The following EFR3A variants were observed in gnomAD, a reference collection of about 807,000 sequenced individuals.
EFR3A encodes the protein protein EFR3 homolog A.
A neutral mutation model predicts 104.4 loss-of-function variants in EFR3A; 76 were observed. That is an observed-to-expected ratio of 0.73 (90% CI 0.60 to 0.88). The LOEUF (loss-of-function observed/expected upper bound fraction) is 0.88, where lower values mean the gene tolerates loss of function less well. EFR3A is among the 40% of genes least tolerant of loss of function. The pLI is 0.00. For missense variants in EFR3A, 985 were observed against 1,012.5 expected (o/e 0.97, Z 0.37); for synonymous variants, 330 against 330.0 (o/e 1.00, Z 0.00).
chr8:131,953,989 T>A, intron 6 of EFR3A, 22 bp downstream of exon 6: 1 of 1,510,092 alleles, frequency 6.6e-7, no homozygotes, highest in Middle Eastern at 1.7e-4. Flanking sequence ...AATATTAGTG[T>A]TGAGACAGTG....
chr8:131,960,526 G>T (rs1339341238), intron 8 of EFR3A, among the ~76,000 whole-genome samples: 1 of 152,066 alleles, frequency 6.6e-6, no homozygotes, highest in African/African-American at 2.4e-5. Context: ...TTCTGGAAAT[G>T]GTAGTATATA....
intron 1 of EFR3A, among the ~76,000 whole-genome samples, chr8:131,907,833 C>T (rs2130364922): frequency 6.6e-6 from 1 of 151,854 alleles, no homozygotes; most frequent in African/African-American, 2.4e-5. Context: ...CCTCCCCTCC[C>T]ATCTCCCTCC....
At chr8:131,936,986 G>T (rs1262692104) in intron 1 of EFR3A, among the ~76,000 whole-genome samples, 2 of 152,034 alleles carry the variant, frequency 1.3e-5, no homozygotes, top group African/African-American at 4.8e-5. Context: ...TTAGAGGTTA[G>T]GGGTTGTGGC....
chr8:132,011,520 T>C lies in EFR3A; in HGVS notation c.*625T>C. ...ATATAACCCTAAAAACGCCATACTT[T>C]AAATTGTCTGGTTCTTGTAATATTG... On this transcript the variant is annotated 3_prime_UTR_variant, in exon 23 of 23. Coordinates refer to ENST00000254624, the MANE Select transcript of EFR3A (RefSeq NM_015137.6). The C allele has an allele frequency of 5.4e-6, 4 of 744,540 alleles. No individual in the cohort carries two copies. The highest frequency in any genetic ancestry group is 6.6e-6 in the Non-Finnish European group (4 of 609,740). 46.1% of individuals were successfully genotyped at this position (744,540 alleles called of 1,614,324 possible).
In EFR3A at chr8:131,964,937, G is replaced by A. The variant is rs569983073; in HGVS notation, c.856-3358G>A. Among the ~76,000 whole-genome samples the A allele has an allele frequency of 1.5e-3, 226 of 152,034 alleles. 1 individual carries two copies. The highest frequency in any genetic ancestry group is 5.3e-3 in the African/African-American group (219 of 41,394). On this transcript the variant is annotated intron_variant, in intron 8 of 22. Transcript: ENST00000254624. ...CATATCTACAACTCTCTGATCTTTGGCAAACCTGAGAAAAACAAGAAATGG... is the reference window on the plus strand; with the variant it reads ...CATATCTACAACTCTCTGATCTTTGACAAACCTGAGAAAAACAAGAAATGG...
In EFR3A at chr8:131,979,347, A is replaced by G. The variant is rs1023257743; in HGVS notation, c.1501A>G (p.Ile501Val). 6.4e-7 allele frequency: 1 copy of G among 1,557,254 alleles called. No individual in the cohort carries two copies. Among genetic ancestry groups the G allele is most frequent in the Admixed American group, 1.9e-5 (1 of 52,420 alleles). Residue 501 changes from isoleucine (I) to valine (V), a missense_variant and splice_region_variant, in exon 14 of 23, where the codon ATA becomes GTA. Coordinates refer to ENST00000254624, the MANE Select transcript of EFR3A (RefSeq NM_015137.6). ...AAATGATATATTGATCGTCTCTAGA[A>G]TAATACCGGATGTAGCTGACCTAAA... ...DNRAKLRGIR[I>V]IPDVADLKIK...
At chr8:132,002,358 C>G (rs1821824878) in intron 20 of EFR3A, among the ~76,000 whole-genome samples, 1 of 152,162 alleles carries the variant, frequency 6.6e-6, no homozygotes, top group Non-Finnish European at 1.5e-5. Flanking sequence ...CAAAGGCATT[C>G]TGTGAAAGAG....
intron 18 of EFR3A, among the ~76,000 whole-genome samples, chr8:131,994,643 C>G (rs554758879): frequency 1.3e-5 from 2 of 152,214 alleles, no homozygotes; most frequent in African/African-American, 4.8e-5. Flanking sequence ...GAAAGCTATA[C>G]TAAGAGTTTA....
chr8:132,000,691 T>G (rs1450790501), intron 19 of EFR3A: 1 of 152,188 alleles, frequency 6.6e-6, no homozygotes, highest in South Asian at 2.1e-4. Context: ...TTTTTTTCAC[T>G]GAAGTACTAG....
At chr8:131,932,704 A>G (rs1176169900) in intron 1 of EFR3A, among the ~76,000 whole-genome samples, 1 of 152,152 alleles carries the variant, frequency 6.6e-6, no homozygotes, top group Non-Finnish European at 1.5e-5. Flanking sequence ...TACACTCTAT[A>G]AATGGAAACT....
chr8:131,913,386 G>A (rs1816608365), intron 1 of EFR3A, among the ~76,000 whole-genome samples: 1 of 151,396 alleles, frequency 6.6e-6, no homozygotes, highest in Admixed American at 6.6e-5. Context: ...TTTTGCATAT[G>A]TATTTCTTGC....
At chr8:131,983,172 G>A (rs951556837) in intron 14 of EFR3A, among the ~76,000 whole-genome samples, 4 of 152,182 alleles carry the variant, frequency 2.6e-5, no homozygotes, top group Non-Finnish European at 5.9e-5. Context: ...CTGAGAAACA[G>A]GCTTGGAATA....
chr8:131,947,770 T>A (rs1818509526), intron 4 of EFR3A, among the ~76,000 whole-genome samples: 1 of 152,160 alleles, frequency 6.6e-6, no homozygotes, highest in Non-Finnish European at 1.5e-5. Context: ...TGTGGATATT[T>A]AACTATGCCA....
Position 131,904,255 on chromosome 8 carries a change from C to T in EFR3A, c.-58C>T, listed in dbSNP as rs1041430815. ...GCAACGGCCGTCATGGTGCCGTCGGCGCTCCCTGCGCGGCCCCGCTGAGCC... is the reference window on the plus strand; with the variant it reads ...GCAACGGCCGTCATGGTGCCGTCGGTGCTCCCTGCGCGGCCCCGCTGAGCC... On this transcript the variant is annotated 5_prime_UTR_variant, in exon 1 of 23. Coordinates refer to ENST00000254624, the MANE Select transcript of EFR3A (RefSeq NM_015137.6). The T allele has an allele frequency of 1.2e-4, 148 of 1,280,864 alleles. No individual in the cohort carries two copies. The highest frequency in any genetic ancestry group is 1.2e-4 in the Non-Finnish European group (126 of 1,011,860). 79.3% of individuals were successfully genotyped at this position (1,280,864 alleles called of 1,614,324 possible).
chr8:131,956,006 G>A (rs1239630781), intron 7 of EFR3A, 101 bp downstream of exon 7: 1 of 1,313,686 alleles, frequency 7.6e-7, no homozygotes, highest in African/African-American at 1.5e-5. Context: ...GCATGAGTGA[G>A]TTATTAATGG....
chr8:132,006,880 C>T (rs1028903559), intron 22 of EFR3A, among the ~76,000 whole-genome samples: 9 of 151,982 alleles, frequency 5.9e-5, no homozygotes, highest in Admixed American at 4.6e-4. Context: ...CAGCAAAATT[C>T]ACCACATTAA....
intron 19 of EFR3A, among the ~76,000 whole-genome samples, chr8:132,000,273 C>T (rs897832193): frequency 6.6e-6 from 1 of 152,030 alleles, no homozygotes; most frequent in African/African-American, 2.4e-5. Flanking sequence ...GGACTACAGG[C>T]GCCTGCCACC....
intron 2 of EFR3A, among the ~76,000 whole-genome samples, chr8:131,942,251 AAG>A (rs1326432471): frequency 6.6e-6 from 1 of 152,134 alleles, no homozygotes; most frequent in African/African-American, 2.4e-5. Context: ...GATTTTAAAA[AAG>A]GAAAAGATCT....
intron 14 of EFR3A, among the ~76,000 whole-genome samples, chr8:131,980,592 TATA>T (rs1322635256): frequency 6.6e-6 from 1 of 152,162 alleles, no homozygotes; most frequent in Non-Finnish European, 1.5e-5. Context: ...ATTATATGTA[TATA>T]ATGTGGAAAG....
Sources: gnomAD v4.1 joint callset for allele counts (sites outside exome capture counted in the v4.1 genomes callset) on GRCh38, gnomAD v4.1.1 for gene constraint, MANE v1.5 for transcripts, NCBI Gene and HGNC (gene_info 2026-07-23, HGNC 2026-07-21) for gene names.